RXFP2: variants seen among roughly 807,000 people sequenced by gnomAD.
RXFP2 encodes relaxin receptor 2.
In RXFP2, 68 loss-of-function variants were observed where a neutral mutation model predicts 88.6. That is an observed-to-expected ratio of 0.77 (90% CI 0.63 to 0.94). The LOEUF (loss-of-function observed/expected upper bound fraction) is 0.94, where lower values mean the gene tolerates loss of function less well. Ranked by LOEUF, RXFP2 falls within the 40% of genes least tolerant of loss-of-function variation. RXFP2 has a pLI of 0.00. For missense variants in RXFP2, 791 were observed against 893.9 expected (o/e 0.88, Z 1.47); for synonymous variants, 329 against 306.8 (o/e 1.07, Z -0.76).
chr13:31,765,472 C>T (rs1872512944), intron 4 of RXFP2, among the ~76,000 whole-genome samples: 1 of 151,198 alleles, frequency 6.6e-6, no homozygotes, highest in South Asian at 2.1e-4. Flanking sequence ...CTCACTTATT[C>T]TACGTTTTTT....
intron 5 of RXFP2, among the ~76,000 whole-genome samples, chr13:31,768,448 A>C (rs1178835925): frequency 6.6e-6 from 1 of 152,192 alleles, no homozygotes; most frequent in East Asian, 1.9e-4. Flanking sequence ...TTTGATCTCC[A>C]AAGTCTGTGA....
rs555458160 is a variant in RXFP2 at position 31,802,442 on chromosome 13, C to T, written c.*37C>T. 53 of 1,606,364 alleles carry T rather than the reference C, an allele frequency of 3.3e-5. No homozygotes were observed. The African/African-American group carries it at 6.1e-4, about 19-fold the overall frequency. On this transcript the variant is annotated 3_prime_UTR_variant, in exon 18 of 18. Transcript: ENST00000298386. ...GATCACTGGACTTTCAGTGGACTAC[C>T]TAAAACAGGGGACAGCTTTTGGAAG...
chr13:31,793,431 CTTT>C (rs35293680), intron 16 of RXFP2, among the ~76,000 whole-genome samples: 1 of 144,570 alleles, frequency 6.9e-6, no homozygotes, highest in Non-Finnish European at 1.5e-5. Context: ...TATTTAAACT[CTTT>C]TTTTTTTTTT....
At chr13:31,744,599 A>C (rs955963531) in intron 1 of RXFP2, among the ~76,000 whole-genome samples, 1 of 152,134 alleles carries the variant, frequency 6.6e-6, no homozygotes, top group African/African-American at 2.4e-5. Context: ...TGGCTATTTT[A>C]TTTGCCCAAG....
In RXFP2 at chr13:31,802,615, C is replaced by T. The variant is rs1337059792; in HGVS notation, c.*210C>T. On this transcript the variant is annotated 3_prime_UTR_variant, in exon 18 of 18. Transcript: ENST00000298386. ...ACAGCACCAAAGGTTCCTCTCCTCA[C>T]CCCACATGCCTGAAAAGCACATGTG... The T allele has an allele frequency of 3.4e-6, 2 of 588,494 alleles. No individual in the cohort carries two copies. The highest frequency in any genetic ancestry group is 3.7e-5 in the South Asian group (2 of 53,910). 36.5% of individuals were successfully genotyped at this position (588,494 alleles called of 1,614,324 possible). A position where few individuals can be genotyped will look rare whatever the true frequency, so the allele number is the denominator to read the frequency against.
chr13:31,758,956 G>T (rs145978435), intron 2 of RXFP2, among the ~76,000 whole-genome samples: 5 of 152,040 alleles, frequency 3.3e-5, no homozygotes, highest in African/African-American at 1.2e-4. Flanking sequence ...GCTGAGGCAG[G>T]AGAATTGCCT....
At chr13:31,782,864 A>G in intron 11 of RXFP2, 117 bp downstream of exon 11, 1 of 695,248 alleles carries the variant, frequency 1.4e-6, no homozygotes, top group Non-Finnish European at 2.6e-6. Flanking sequence ...ACTATTGGAT[A>G]TTAAAAATCA....
chr13:31,753,213 C>T (rs941368936), intron 1 of RXFP2, among the ~76,000 whole-genome samples: 5 of 152,158 alleles, frequency 3.3e-5, no homozygotes, highest in Admixed American at 1.3e-4. Context: ...ATATCTCCAT[C>T]AATTCTTAAA....
Position 31,739,565 on chromosome 13 carries a change from T to C in RXFP2, c.-48T>C. ...ACTGAACTTACTACATCAGAACTCC[T>C]GCTGAGGTATAAGAGGATACGTCTA... is the stretch of plus-strand genomic sequence containing the variant. On this transcript the variant is annotated 5_prime_UTR_variant, in exon 1 of 18. Transcript: ENST00000298386. 1.6e-6 allele frequency: 2 copies of C among 1,221,704 alleles called. No homozygotes were observed. The highest frequency in any genetic ancestry group is 2.4e-6 in the Non-Finnish European group (2 of 822,448). The allele number at this position is 1,221,704 out of a possible 1,614,324, so 75.7% of individuals were successfully genotyped here.
intron 17 of RXFP2, among the ~76,000 whole-genome samples, chr13:31,798,327 A>C (rs1443086086): frequency 6.6e-6 from 1 of 152,218 alleles, no homozygotes; most frequent in African/African-American, 2.4e-5. Flanking sequence ...TTAAGCTATC[A>C]GTTCTGTCTC....
chr13:31,799,910 C>T (rs1874249555), intron 17 of RXFP2, among the ~76,000 whole-genome samples: 1 of 152,154 alleles, frequency 6.6e-6, no homozygotes, highest in Non-Finnish European at 1.5e-5. Context: ...AACTCATCAT[C>T]CTCAGCGAGT....
intron 16 of RXFP2, among the ~76,000 whole-genome samples, chr13:31,794,806 G>GGTGGAGCATACCATGCAGGC (rs1381038957): frequency 1.3e-5 from 2 of 151,986 alleles, no homozygotes; most frequent in Non-Finnish European, 2.9e-5. Context: ...AAACTCATTT[G>GGTGGAGCATACCATGCAGGC]GTGGAGCATA....
intron 1 of RXFP2, among the ~76,000 whole-genome samples, chr13:31,752,425 G>A (rs1260455701): frequency 6.6e-6 from 1 of 152,066 alleles, no homozygotes; most frequent in African/African-American, 2.4e-5. Flanking sequence ...GAAAGGAGGT[G>A]GGGTAAATAT....
intron 1 of RXFP2, among the ~76,000 whole-genome samples, chr13:31,744,801 C>A (rs547516429): frequency 2.4e-4 from 36 of 151,652 alleles, no homozygotes; most frequent in Admixed American, 7.2e-4. Flanking sequence ...TATAAACTTT[C>A]ATTCTTATTT....
At chr13:31,750,720 G>A (rs1017194136) in intron 1 of RXFP2, among the ~76,000 whole-genome samples, 1 of 152,220 alleles carries the variant, frequency 6.6e-6, no homozygotes, top group African/African-American at 2.4e-5. Context: ...TGAGGACTAT[G>A]AAAGAGCCAT....
At position 31,802,551 on chromosome 13, in the gene RXFP2, T is replaced by C. The variant is rs1448145414; in HGVS notation, c.*146T>C. 2 of 872,142 alleles carry C rather than the reference T, an allele frequency of 2.3e-6. No homozygotes were observed. Among genetic ancestry groups the C allele is most frequent in the Non-Finnish European group, 3.8e-6 (2 of 527,958 alleles). The allele number at this position is 872,142 out of a possible 1,614,324, so 54.0% of individuals were successfully genotyped here. ...CAGCAGAATGGCTCCTGTCACTGCA[T>C]TCCAATGGCAGCTGTACTATCTACC... On this transcript the variant is annotated 3_prime_UTR_variant, in exon 18 of 18. Coordinates refer to ENST00000298386, the MANE Select transcript of RXFP2 (RefSeq NM_130806.5).
chr13:31,800,959 G>C (rs1874306938), intron 17 of RXFP2, among the ~76,000 whole-genome samples: 1 of 152,018 alleles, frequency 6.6e-6, no homozygotes, highest in Non-Finnish European at 1.5e-5. Context: ...GATAGGATAG[G>C]AAGAGAGGAA....
chr13:31,765,947 T>G lies in RXFP2; in HGVS notation c.426-9T>G. 2 of 1,399,872 alleles carry G rather than the reference T, an allele frequency of 1.4e-6. No homozygotes were observed. Among genetic ancestry groups the G allele is most frequent in the Non-Finnish European group, 2.0e-6 (2 of 994,186 alleles). The allele number at this position is 1,399,872 out of a possible 1,614,324, so 86.7% of individuals were successfully genotyped here. A position where few individuals can be genotyped will look rare whatever the true frequency, so the allele number is the denominator to read the frequency against. On this transcript the variant is annotated splice_polypyrimidine_tract_variant and intron_variant, in intron 4 of 17. Coordinates refer to ENST00000298386, the MANE Select transcript of RXFP2 (RefSeq NM_130806.5). ...TCCATAATGAAGTTTGCTTTACATG[T>G]TATTTTAGGTCTCTTAAGAAAAACA...
At chr13:31,773,148 A>C (rs1166934723) in intron 5 of RXFP2, among the ~76,000 whole-genome samples, 1 of 152,244 alleles carries the variant, frequency 6.6e-6, no homozygotes, top group Non-Finnish European at 1.5e-5. Context: ...TCCTATTCAC[A>C]GCAGAACCTT....
Sources: allele counts gnomAD v4.1 joint callset (sites outside exome capture counted in the v4.1 genomes callset), GRCh38; gene constraint gnomAD v4.1.1; transcripts MANE v1.5; gene names NCBI Gene and HGNC (gene_info 2026-07-23, HGNC 2026-07-21).